Variants in TBC1D2B observed in about 807,000 individuals in gnomAD.
TBC1D2B encodes the protein TBC1 domain family, member 2B.
Under a neutral mutation model 100.8 loss-of-function variants are expected in TBC1D2B, and 64 were observed. That is an observed-to-expected ratio of 0.64 (90% confidence interval 0.52 to 0.78). The LOEUF (loss-of-function observed/expected upper bound fraction) is 0.78, where lower values mean the gene tolerates loss of function less well. Among genes scored for constraint, TBC1D2B ranks in the 30% least tolerant of loss-of-function variants. The pLI, the probability that TBC1D2B is intolerant of heterozygous loss-of-function variation, is 0.00. For missense variants in TBC1D2B, 1,052 were observed against 1,218.4 expected (o/e 0.86, Z 2.03); for synonymous variants, 480 against 479.7 (o/e 1.00, Z -0.01).
At chr15:78,056,999 T>C (rs1280604846) in intron 1 of TBC1D2B, among the ~76,000 whole-genome samples, 1 of 152,188 alleles carries the variant, frequency 6.6e-6, no homozygotes, top group Non-Finnish European at 1.5e-5. Context: ...TGTGTTTCTA[T>C]TTATGCTCGG....
At position 78,024,150 on chromosome 15, in the gene TBC1D2B, TCTTA is replaced by T; in HGVS notation, c.1470+2_1470+5del. On this transcript the variant is annotated splice_donor_variant and splice_donor_5th_base_variant and intron_variant, in intron 6 of 12. Transcript: ENST00000300584. LOFTEE classifies it high-confidence loss of function. ...CCAATCACCAGAGCCCCTGCCCCAC[TCTTA>T]CTTTCAGCCTGTCCAGTTCCAGCTG... 1.2e-6 allele frequency: 2 copies of T among 1,605,350 alleles called. No individual in the cohort carries two copies. Among genetic ancestry groups the T allele is most frequent in the Non-Finnish European group, 1.7e-6 (2 of 1,175,146 alleles).
chr15:78,018,562 C>T (rs1721434134), intron 6 of TBC1D2B, among the ~76,000 whole-genome samples: 1 of 152,168 alleles, frequency 6.6e-6, no homozygotes, highest in Non-Finnish European at 1.5e-5. Flanking sequence ...ATAGCCTTCA[C>T]CTAAATTAGC....
At chr15:78,039,457 G>A (rs544209016) in intron 3 of TBC1D2B, among the ~76,000 whole-genome samples, 23 of 152,294 alleles carry the variant, frequency 1.5e-4, no homozygotes, top group Non-Finnish European at 3.1e-4. Context: ...GGGGCCAACT[G>A]CAGGGCCCGC....
chr15:78,031,381 C>A (rs1214323982), intron 3 of TBC1D2B, among the ~76,000 whole-genome samples: 1 of 151,948 alleles, frequency 6.6e-6, no homozygotes, highest in Admixed American at 6.6e-5. Context: ...TGGCGAAACT[C>A]TGTCTCTACT....
chr15:78,033,413 AG>A (rs373462563), intron 3 of TBC1D2B, among the ~76,000 whole-genome samples: 3 of 152,354 alleles, frequency 2.0e-5, no homozygotes, highest in African/African-American at 7.2e-5. Flanking sequence ...GGAGACTATA[AG>A]GAGTATGATT....
chr15:78,001,601 G>A lies in TBC1D2B; in HGVS notation c.2696+18C>T. 2 of 1,599,490 alleles carry A rather than the reference G, an allele frequency of 1.3e-6. No homozygotes were observed. Among genetic ancestry groups the A allele is most frequent in the Non-Finnish European group, 1.7e-6 (2 of 1,172,798 alleles). On this transcript the variant is annotated intron_variant, in intron 12 of 12. Transcript: ENST00000300584. ...GCTTCCTGCTCTCCTTGACATCTGAGAACTCCCCAGGACTCACCTAGCATC... is the reference window on the plus strand; with the variant it reads ...GCTTCCTGCTCTCCTTGACATCTGAAAACTCCCCAGGACTCACCTAGCATC...
intron 4 of TBC1D2B, among the ~76,000 whole-genome samples, chr15:78,027,943 A>G (rs975878916): frequency 1.8e-4 from 27 of 152,056 alleles, no homozygotes; most frequent in African/African-American, 6.3e-4. Flanking sequence ...TGGGTTCTAC[A>G]CCAGGATCCT....
At chr15:78,016,496 G>A in intron 8 of TBC1D2B, 50 bp downstream of exon 8, 1 of 1,561,280 alleles carries the variant, frequency 6.4e-7, no homozygotes, top group Non-Finnish European at 8.7e-7. Context: ...GTTGAAAAAG[G>A]GACTTCAGAA....
intron 12 of TBC1D2B, among the ~76,000 whole-genome samples, chr15:78,001,374 T>C (rs1347466642): frequency 2.0e-5 from 3 of 152,210 alleles, no homozygotes; most frequent in African/African-American, 7.2e-5. Context: ...ATGAAACTAT[T>C]GCTGTTCGTT....
At chr15:78,029,197 C>T (rs1400772564) in intron 4 of TBC1D2B, among the ~76,000 whole-genome samples, 2 of 151,970 alleles carry the variant, frequency 1.3e-5, no homozygotes, top group Non-Finnish European at 1.5e-5. Flanking sequence ...GCTGGGACTA[C>T]AGGCGCCCCC....
intron 3 of TBC1D2B, among the ~76,000 whole-genome samples, chr15:78,034,938 C>G (rs986781774): frequency 2.5e-4 from 38 of 152,192 alleles, no homozygotes; most frequent in African/African-American, 8.4e-4. Flanking sequence ...GTGGCAACTA[C>G]GTGTCCTGCC....
intron 1 of TBC1D2B, among the ~76,000 whole-genome samples, chr15:78,069,144 G>A (rs958812371): frequency 1.3e-5 from 2 of 152,226 alleles, no homozygotes; most frequent in Non-Finnish European, 1.5e-5. Context: ...CAGACGTGAG[G>A]TGGGAGCTGG....
intron 3 of TBC1D2B, among the ~76,000 whole-genome samples, chr15:78,032,211 G>C (rs1339911974): frequency 6.6e-6 from 1 of 152,170 alleles, no homozygotes; most frequent in African/African-American, 2.4e-5. Flanking sequence ...CGGGAATAGT[G>C]CCTAGTCTCA....
Position 77,998,027 on chromosome 15 carries a change from G to A in TBC1D2B, c.*133C>T, listed in dbSNP as rs2071808555. Reference sequence around the variant, plus strand: ...CCCGCACAGTGGGAAATGAGGAAGGGCAGCCTGGCTTGGGACATCTGCCCA... The same window carrying A: ...CCCGCACAGTGGGAAATGAGGAAGGACAGCCTGGCTTGGGACATCTGCCCA... On this transcript the variant is annotated 3_prime_UTR_variant, in exon 13 of 13. Coordinates refer to ENST00000300584, the MANE Select transcript of TBC1D2B (RefSeq NM_144572.2). 5.9e-6 allele frequency: 5 copies of A among 844,488 alleles called. No homozygotes were observed. Among genetic ancestry groups the A allele is most frequent in the Non-Finnish European group, 8.7e-6 (5 of 571,850 alleles). The allele number at this position is 844,488 out of a possible 1,614,324, so 52.3% of individuals were successfully genotyped here.
At chr15:78,055,591 C>T (rs1306789727) in intron 1 of TBC1D2B, among the ~76,000 whole-genome samples, 1 of 152,214 alleles carries the variant, frequency 6.6e-6, no homozygotes, top group Non-Finnish European at 1.5e-5. Context: ...CAAACTACTA[C>T]TACCTCCAAG....
At chr15:78,051,365 G>T (rs1326309189) in intron 2 of TBC1D2B, among the ~76,000 whole-genome samples, 1 of 152,158 alleles carries the variant, frequency 6.6e-6, no homozygotes, top group Non-Finnish European at 1.5e-5. Flanking sequence ...GAAGAGGGGT[G>T]AACAAACTTC....
chr15:78,074,817 G>A (rs1018095916), intron 1 of TBC1D2B, among the ~76,000 whole-genome samples: 2 of 152,206 alleles, frequency 1.3e-5, no homozygotes, highest in African/African-American at 4.8e-5. Context: ...TATTGTTTGT[G>A]AGAGTAATCC....
Position 78,016,708 on chromosome 15 carries a change from A to G in TBC1D2B, c.1613T>C (p.Ile538Thr), listed in dbSNP as rs1437406250. 2 of 1,577,676 alleles carry G rather than the reference A, an allele frequency of 1.3e-6. No homozygotes were observed. The highest frequency in any genetic ancestry group is 1.7e-6 in the Non-Finnish European group (2 of 1,163,360). The change falls in exon 8 of 13, where the codon ATA becomes ACA. Residue 538 changes from isoleucine (I) to threonine (T), a missense_variant. By Grantham distance (89) the Ile-to-Thr change is moderately conservative. Transcript: ENST00000300584. ...YSSLEAKLCQ[I>T]ESKYLILLQE... ...GAGCAATATCAGGTATTTACTTTCT[A>G]TCTGGCAGAGCTTGGCTTCCAGGCT... is the stretch of plus-strand genomic sequence containing the variant.
Position 78,068,447 on chromosome 15 carries a change from A to C in TBC1D2B, c.360+8846T>G, listed in dbSNP as rs538660717. The stretch of plus-strand genomic sequence containing the variant: ...GAGGATATGAGGGCTTAAAGCATGC[A>C]TTTAGCCAACAAGCATCTAACAGGT... On this transcript the variant is annotated intron_variant, in intron 1 of 12. Transcript: ENST00000300584. 2.3e-4 allele frequency among the ~76,000 whole-genome samples: 35 copies of C among 151,654 alleles called. 3 individuals carry two copies. The South Asian group carries it at 7.3e-3, about 31-fold the overall frequency.
Sources: gnomAD v4.1 joint callset for allele counts (sites outside exome capture counted in the v4.1 genomes callset) on GRCh38, gnomAD v4.1.1 for gene constraint, MANE v1.5 for transcripts, NCBI Gene and HGNC (gene_info 2026-07-23, HGNC 2026-07-21) for gene names.